OGDHL: variants seen among roughly 807,000 people sequenced by gnomAD.
OGDHL encodes 2-oxoglutarate dehydrogenase-like, mitochondrial.
A neutral mutation model predicts 109.6 loss-of-function variants in OGDHL; 79 were observed. The observed-to-expected ratio is 0.72, with a 90% CI of 0.60 to 0.87. OGDHL has a LOEUF of 0.87. Among genes scored for constraint, OGDHL ranks in the 40% least tolerant of loss-of-function variants. OGDHL has a pLI of 0.00. For synonymous variants in OGDHL, 528 were observed against 537.2 expected (o/e 0.98, Z 0.24); for missense variants, 1,275 against 1,362.2 (o/e 0.94, Z 1.01).
chr10:49,756,644 C>T (rs1298524347), intron 3 of OGDHL, 132 bp downstream of exon 3: 35 of 868,150 alleles, frequency 4.0e-5, no homozygotes, highest in Non-Finnish European at 5.7e-5. Flanking sequence ...GGAGTAGGTG[C>T]CGCTCAGTAG....
Position 49,736,456 on chromosome 10 carries a change from C to T in OGDHL, c.2655G>A (p.Gln885=), listed in dbSNP as rs1279796469. ...CCTTTCCCGTGCAGAAGATGAGCCGCTGCACCTGCTCAGGGGCCCGTGCTG... is the reference window on the plus strand; with the variant it reads ...CCTTTCCCGTGCAGAAGATGAGCCGTTGCACCTGCTCAGGGGCCCGTGCTG... ...GAAARAPEQV[Q]RLIFCTGKVY... is the part of the protein sequence containing the mutation. Residue 885 remains glutamine (Q), a synonymous_variant, in exon 21 of 23, where the codon CAG becomes CAA. Coordinates refer to ENST00000374103, the MANE Select transcript of OGDHL (RefSeq NM_018245.3). 4.3e-6 allele frequency: 7 copies of T among 1,613,938 alleles called. No individual in the cohort carries two copies. Among genetic ancestry groups the T allele is most frequent in the Non-Finnish European group, 5.1e-6 (6 of 1,180,040 alleles).
chr10:49,761,322 C>A (rs1843260545), intron 1 of OGDHL, among the ~76,000 whole-genome samples: 1 of 152,196 alleles, frequency 6.6e-6, no homozygotes, highest in Non-Finnish European at 1.5e-5. Context: ...GACACCATGG[C>A]CACTAAGACT....
chr10:49,735,328 G>A lies in OGDHL; in HGVS notation c.2933C>T (p.Ala978Val). The A allele has an allele frequency of 6.2e-7, 1 of 1,613,638 alleles. No individual in the cohort carries two copies. The highest frequency in any genetic ancestry group is 2.2e-5 in the East Asian group (1 of 44,880). Residue 978 changes from alanine (A) to valine (V), a missense_variant, in exon 23 of 23, where the codon GCT becomes GTT. By Grantham distance (64) the Ala-to-Val change is moderately conservative. Coordinates refer to ENST00000374103, the MANE Select transcript of OGDHL (RefSeq NM_018245.3). Reference sequence around the variant, plus strand: ...GTTCCTGTTTCCTGTGGCTGGTGCAGCCGCTGGGTCCCGGCCAACATACCT... The same window carrying A: ...GTTCCTGTTTCCTGTGGCTGGTGCAACCGCTGGGTCCCGGCCAACATACCT... ...PIWYVGRDPA[A>V]APATGNRNTH... is the part of the protein sequence containing the mutation.
At chr10:49,745,612 C>T (rs903446754) in intron 11 of OGDHL, 116 bp from the exon 12 acceptor site, 26 of 1,382,184 alleles carry the variant, frequency 1.9e-5, no homozygotes, top group African/African-American at 2.8e-5. Context: ...CTTTGAGCTC[C>T]ACTATCACCT....
rs753036632 is a variant in OGDHL, at chr10:49,736,514, CT to C, written c.2596del (p.Ser866AlafsTer5). The C allele has an allele frequency of 1.6e-5, 26 of 1,613,008 alleles. No individual in the cohort carries two copies. Among genetic ancestry groups the C allele is most frequent in the Non-Finnish European group, 2.2e-5 (26 of 1,179,936 alleles). ...SSFDQMVSGT[S>X]FQRVIPEDGA... The stretch of plus-strand genomic sequence containing the variant: ...ATCTTCAGGAATCACCCGCTGGAAG[CT>C]GGTCCCTGAGGGACCAACAGGACAT... On this transcript the variant is annotated frameshift_variant, in exon 21 of 23. Coordinates refer to ENST00000374103, the MANE Select transcript of OGDHL (RefSeq NM_018245.3). LOFTEE classifies it high-confidence loss of function.
Position 49,735,334 on chromosome 10 carries a change from G to A in OGDHL, c.2927C>T (p.Pro976Leu), listed in dbSNP as rs1841072684. ...ARPIWYVGRD[P>L]AAAPATGNRN... Reference sequence around the variant, plus strand: ...GTTTCCTGTGGCTGGTGCAGCCGCTGGGTCCCGGCCAACATACCTGGAGGA... The same window carrying A: ...GTTTCCTGTGGCTGGTGCAGCCGCTAGGTCCCGGCCAACATACCTGGAGGA... Residue 976 changes from proline (P) to leucine (L), a missense_variant, in exon 23 of 23, where the codon CCA becomes CTA. Transcript: ENST00000374103. 1.2e-6 allele frequency: 2 copies of A among 1,613,400 alleles called. No homozygotes were observed. Among genetic ancestry groups the A allele is most frequent in the African/African-American group, 1.3e-5 (1 of 75,050 alleles).
At position 49,747,023 on chromosome 10, in the gene OGDHL, G is replaced by A; in HGVS notation, c.1167+6C>T. 2 of 1,613,548 alleles carry A rather than the reference G, an allele frequency of 1.2e-6. No individual in the cohort carries two copies. The highest frequency in any genetic ancestry group is 1.7e-6 in the Non-Finnish European group (2 of 1,179,554). ...AGGTCCTCTGGGTTCCCCCAGGTGA[G>A]CTCACCTTCTTGCCCTGGGCATCTC... On this transcript the variant is annotated splice_donor_region_variant and intron_variant, in intron 9 of 22. Transcript: ENST00000374103.
Position 49,746,864 on chromosome 10 carries a change from C to A in OGDHL, c.1182G>T (p.Leu394=), listed in dbSNP as rs1259547791. Residue 394 remains leucine, a synonymous_variant, in exon 10 of 23, where the codon CTG becomes CTT. Coordinates refer to ENST00000374103, the MANE Select transcript of OGDHL (RefSeq NM_018245.3). ...CAGCAAAGGCGGCGTCCCCATGAAC[C>A]AGGATGGACATGACCTGCAGGGCAG... ...DAQGKKVMSI[L]VHGDAAFAGQ... 6.2e-7 allele frequency: 1 copy of A among 1,614,188 alleles called. No individual in the cohort carries two copies. Among genetic ancestry groups the A allele is most frequent in the Non-Finnish European group, 8.5e-7 (1 of 1,180,022 alleles).
chr10:49,742,945 A>G lies in OGDHL; in HGVS notation c.1895T>C (p.Met632Thr), dbSNP rs577092374. ...CCAGTCCACCGTCCGGTTCTTGGTC[A>G]TGTCCGCACGGCCCCGCAGAATGCG... ...LSRILRGRAD[M>T]TKNRTVDWAL... The change falls in exon 15 of 23, where the codon ATG (methionine) becomes ACG (threonine). Residue 632 changes from methionine (M) to threonine (T), a missense_variant. Coordinates refer to ENST00000374103, the MANE Select transcript of OGDHL (RefSeq NM_018245.3). 1 of 1,613,894 alleles carries G rather than the reference A, an allele frequency of 6.2e-7. No individual in the cohort carries two copies. Among genetic ancestry groups the G allele is most frequent in the South Asian group, 1.1e-5 (1 of 91,086 alleles).
rs914845820 is a variant in OGDHL, at chr10:49,745,496, C to A, written c.1477G>T (p.Val493Phe). ...TTGTGGCCACGCCGGCGGTAACAGACCTGCAGGAGCAGCCAGAGGGGCTCA... is the reference window on the plus strand; with the variant it reads ...TTGTGGCCACGCCGGCGGTAACAGAACTGCAGGAGCAGCCAGAGGGGCTCA... ...TFNKDVVVDLVCYRRRGHNEM... is the reference protein window; with the variant it reads ...TFNKDVVVDLFCYRRRGHNEM... The change falls in exon 12 of 23, where the codon GTC becomes TTC. Residue 493 changes from valine to phenylalanine, a missense_variant and splice_region_variant. Val to Phe is a conservative substitution (Grantham distance 50). Coordinates refer to ENST00000374103, the MANE Select transcript of OGDHL (RefSeq NM_018245.3). The A allele has an allele frequency of 6.2e-7, 1 of 1,613,614 alleles. No homozygotes were observed. Among genetic ancestry groups the A allele is most frequent in the Non-Finnish European group, 8.5e-7 (1 of 1,180,024 alleles).
intron 3 of OGDHL, among the ~76,000 whole-genome samples, chr10:49,755,085 AAC>A (rs1842840409): frequency 6.6e-6 from 1 of 152,166 alleles, no homozygotes; most frequent in Non-Finnish European, 1.5e-5. Flanking sequence ...CTCCACTGAA[AAC>A]ACAAAAATCA....
intron 15 of OGDHL, among the ~76,000 whole-genome samples, chr10:49,742,292 ACAC>A (rs1007164386): frequency 4.0e-5 from 5 of 124,778 alleles, no homozygotes; most frequent in South Asian, 2.9e-4. Context: ...CACACCACAC[ACAC>A]CACAAATGCA....
rs774306809 is a variant in OGDHL at position 49,751,860 on chromosome 10, C to T, written c.716G>A (p.Arg239Gln). The T allele has an allele frequency of 3.1e-6, 5 of 1,614,122 alleles. No individual in the cohort carries two copies. The highest frequency in any genetic ancestry group is 1.1e-5 in the South Asian group (1 of 91,074). The change falls in exon 6 of 23, where the codon CGG (arginine) becomes CAG (glutamine). Residue 239 changes from arginine (R) to glutamine (Q), a missense_variant. Coordinates refer to ENST00000374103, the MANE Select transcript of OGDHL (RefSeq NM_018245.3). ...GVMQFSSEEK[R>Q]TLLARLVRSM... ...GCGCACTAGCCGGGCCAGCAGGGTCCGCTTCTCCTCGCTGGAGAACTGCAT... is the reference window on the plus strand; with the variant it reads ...GCGCACTAGCCGGGCCAGCAGGGTCTGCTTCTCCTCGCTGGAGAACTGCAT...
At chr10:49,752,062 G>A in intron 5 of OGDHL, 71 bp downstream of exon 5, 1 of 1,608,948 alleles carries the variant, frequency 6.2e-7, no homozygotes, top group South Asian at 1.1e-5. Context: ...AAAAAAGACA[G>A]TGCCTTCCCG....
chr10:49,752,049 A>G lies in OGDHL; in HGVS notation c.595-68T>C, dbSNP rs1057402873. ...GACGGCTGACATCCCTGCTGTCTAG[A>G]ACAAAAAAGACAGTGCCTTCCCGTC... On this transcript the variant is annotated intron_variant, in intron 5 of 22. Coordinates refer to ENST00000374103, the MANE Select transcript of OGDHL (RefSeq NM_018245.3). The G allele has an allele frequency of 3.1e-6, 5 of 1,610,194 alleles. No individual in the cohort carries two copies. The African/African-American group carries it at 6.7e-5, about 22-fold the overall frequency.
chr10:49,758,662 CTGTCCGCTCATCAGCACT>C lies in OGDHL; in HGVS notation c.-1-87_-1-70del, dbSNP rs767695468. On this transcript the variant is annotated intron_variant, in intron 1 of 22. Transcript: ENST00000374103. ...GACAGGAAGAGGCTCTACCAAGCCACTGTCCGCTCATCAGCACTTGTCATTCCCACTGGGCAGATGGTG... is the reference window on the plus strand; with the variant it reads ...GACAGGAAGAGGCTCTACCAAGCCACTGTCATTCCCACTGGGCAGATGGTG... The C allele has an allele frequency of 5.8e-4, 860 of 1,490,382 alleles. 11 individuals carry two copies. Among genetic ancestry groups the C allele is most frequent in the South Asian group, 2.8e-4 (24 of 85,594 alleles). 92.3% of individuals were successfully genotyped at this position (1,490,382 alleles called of 1,614,324 possible).
At chr10:49,750,429 GCT>G (rs1842506777) in intron 7 of OGDHL, among the ~76,000 whole-genome samples, 1 of 152,122 alleles carries the variant, frequency 6.6e-6, no homozygotes, top group Non-Finnish European at 1.5e-5. Context: ...GAGACCCTCG[GCT>G]CACCTCCACA....
rs180848409 is a variant in OGDHL at position 49,751,769 on chromosome 10, G to A, written c.749+58C>T. 211 of 1,582,358 alleles carry A rather than the reference G, an allele frequency of 1.3e-4. 1 individual carries two copies. In the African/African-American group the frequency reaches 2.5e-3, roughly 18 times the overall value. On this transcript the variant is annotated intron_variant, in intron 6 of 22. Transcript: ENST00000374103. Reference sequence around the variant, plus strand: ...TGCTCTCTTAGGCAGGGTGTGGGACGTCTCATAGAGCCCTGGAGCAGGACC... The same window carrying A: ...TGCTCTCTTAGGCAGGGTGTGGGACATCTCATAGAGCCCTGGAGCAGGACC...
intron 22 of OGDHL, among the ~76,000 whole-genome samples, chr10:49,735,784 C>A (rs1460558399): frequency 6.6e-6 from 1 of 152,222 alleles, no homozygotes; most frequent in Non-Finnish European, 1.5e-5. Context: ...GGGACTAAGG[C>A]TCCAAGGACT....
Sources: allele counts gnomAD v4.1 joint callset (sites outside exome capture counted in the v4.1 genomes callset), GRCh38; gene constraint gnomAD v4.1.1; transcripts MANE v1.5; gene names NCBI Gene and HGNC (gene_info 2026-07-23, HGNC 2026-07-21).